SDK1: variants seen among roughly 807,000 people sequenced by gnomAD.
SDK1 encodes the protein sidekick cell adhesion molecule 1.
A neutral mutation model predicts 245.5 loss-of-function variants in SDK1; 157 were observed. The ratio of observed to expected loss-of-function variants is 0.64; its 90% CI spans 0.56 to 0.73. The LOEUF is 0.73. Among genes scored for constraint, SDK1 ranks in the 30% least tolerant of loss-of-function variants. The probability of loss-of-function intolerance (pLI) is 0.00; values close to 1 mark genes in which losing one functional copy is unlikely to be tolerated. For missense variants in SDK1, 3,583 were observed against 3,002.3 expected (o/e 1.19, Z -4.52); for synonymous variants, 1,647 against 1,278.5 (o/e 1.29, Z -6.15).
chr7:3,381,990 A>G (rs898007482), intron 1 of SDK1, among the ~76,000 whole-genome samples: 2 of 152,226 alleles, frequency 1.3e-5, no homozygotes, highest in African/African-American at 4.8e-5. Flanking sequence ...GTTCGTCTTA[A>G]AGTAATTTAT....
At chr7:3,528,555 C>G (rs1362955301) in intron 1 of SDK1, among the ~76,000 whole-genome samples, 1 of 152,086 alleles carries the variant, frequency 6.6e-6, no homozygotes, top group African/African-American at 2.4e-5. Flanking sequence ...GATTACTCTC[C>G]TTGCTGTCTG....
At position 4,049,461 on chromosome 7, in the gene SDK1, A is replaced by G. The variant is rs1427226297; in HGVS notation, c.2716A>G (p.Lys906Glu). 3 of 1,611,362 alleles carry G rather than the reference A, an allele frequency of 1.9e-6. No homozygotes were observed. The highest frequency in any genetic ancestry group is 1.7e-6 in the Non-Finnish European group (2 of 1,177,532). Residue 906 changes from lysine (K) to glutamate (E), a missense_variant and splice_region_variant, in exon 18 of 45, where the codon AAG (lysine) becomes GAG (glutamate). Lys to Glu is a moderately conservative substitution (Grantham distance 56). Coordinates refer to ENST00000404826, the MANE Select transcript of SDK1 (RefSeq NM_152744.4). ...TATCAATGGCATCAACCAGGGATACAAGGTACGTGGCCTGGGTTCAGGGCC... is the reference window on the plus strand; with the variant it reads ...TATCAATGGCATCAACCAGGGATACGAGGTACGTGGCCTGGGTTCAGGGCC... Reference protein sequence around the residue: ...QFINGINQGYKLLAWPADAPE... With the variant: ...QFINGINQGYELLAWPADAPE...
intron 4 of SDK1, among the ~76,000 whole-genome samples, chr7:3,669,589 C>T (rs1273313427): frequency 6.6e-6 from 1 of 152,106 alleles, no homozygotes; most frequent in Non-Finnish European, 1.5e-5. Flanking sequence ...GCCAACTTGC[C>T]TTCCTCCACC....
intron 4 of SDK1, among the ~76,000 whole-genome samples, chr7:3,820,942 G>C (rs112810877): frequency 6.6e-6 from 1 of 152,218 alleles, no homozygotes; most frequent in East Asian, 1.9e-4. Context: ...TAAGTTGAAG[G>C]GGGGCAGCAC....
intron 5 of SDK1, among the ~76,000 whole-genome samples, chr7:3,822,568 G>A (rs1197464144): frequency 2.6e-5 from 4 of 151,994 alleles, no homozygotes; most frequent in Middle Eastern, 3.2e-3. Context: ...TCAAGAGTTC[G>A]AGACCAGCCT....
chr7:3,624,181 C>T (rs1179698601), intron 2 of SDK1, among the ~76,000 whole-genome samples: 1 of 152,180 alleles, frequency 6.6e-6, no homozygotes, highest in African/African-American at 2.4e-5. Context: ...TAGAACTTTT[C>T]AGAAAGCTAA....
chr7:3,894,804 T>A (rs532484883), intron 5 of SDK1, among the ~76,000 whole-genome samples: 2 of 151,446 alleles, frequency 1.3e-5, no homozygotes, highest in Non-Finnish European at 2.9e-5. Context: ...GTTTAAGCGA[T>A]TTGTACTTCA....
Position 3,642,081 on chromosome 7 carries a change from A to G in SDK1, c.689A>G (p.His230Arg). ...RPQVTWFREGHKIIPSNRIAI... is the reference protein window; with the variant it reads ...RPQVTWFREGRKIIPSNRIAI... ...CAAGTGACTTGGTTTAGAGAAGGGC[A>G]CAAGATTATTCCAAGCAACAGAATG... Residue 230 changes from histidine to arginine, a missense_variant, in exon 4 of 45, where the codon CAC becomes CGC. Transcript: ENST00000404826. The G allele has an allele frequency of 1.2e-6, 2 of 1,614,196 alleles. No individual in the cohort carries two copies. Among genetic ancestry groups the G allele is most frequent in the South Asian group, 2.2e-5 (2 of 91,084 alleles).
intron 4 of SDK1, among the ~76,000 whole-genome samples, chr7:3,774,061 A>G (rs1256520275): frequency 6.6e-6 from 1 of 151,922 alleles, no homozygotes; most frequent in African/African-American, 2.4e-5. Flanking sequence ...AAAAATACAA[A>G]AAAATTAGCC....
intron 2 of SDK1, among the ~76,000 whole-genome samples, chr7:3,619,733 G>T (rs1189139333): frequency 1.3e-5 from 2 of 152,148 alleles, no homozygotes; most frequent in Admixed American, 6.5e-5. Context: ...ATATTCAGCA[G>T]CAATAAAACA....
intron 40 of SDK1, among the ~76,000 whole-genome samples, chr7:4,223,665 T>G (rs1785260137): frequency 2.0e-5 from 3 of 152,172 alleles, no homozygotes; most frequent in African/African-American, 7.2e-5. Flanking sequence ...CAGGACTTCA[T>G]CCTAACTAAT....
chr7:3,845,940 A>G lies in SDK1; in HGVS notation c.847+24357A>G, dbSNP rs79469460. 6.1e-3 allele frequency among the ~76,000 whole-genome samples: 930 copies of G among 152,330 alleles called. 11 individuals carry two copies. The highest frequency in any genetic ancestry group is 0.021 in the African/African-American group (874 of 41,558). On this transcript the variant is annotated intron_variant, in intron 5 of 44. Transcript: ENST00000404826. ...TTTGATTTGAGCTGCTCTGCTACCT[A>G]CAACTTTGCAGAAATCCCATTTAAT...
chr7:4,183,804 T>C (rs1461440556), intron 35 of SDK1, among the ~76,000 whole-genome samples: 1 of 152,200 alleles, frequency 6.6e-6, no homozygotes, highest in Non-Finnish European at 1.5e-5. Context: ...AGCCTTGCTC[T>C]AAGTTAAACT....
chr7:3,962,288 C>T (rs186816614), intron 8 of SDK1, among the ~76,000 whole-genome samples: 203 of 152,354 alleles, frequency 1.3e-3, no homozygotes, highest in African/African-American at 4.7e-3. Flanking sequence ...TGCCCAAGCC[C>T]TCCCGCGGTG....
chr7:3,791,808 C>G (rs1781100413), intron 4 of SDK1, among the ~76,000 whole-genome samples: 1 of 152,146 alleles, frequency 6.6e-6, no homozygotes, highest in African/African-American at 2.4e-5. Context: ...AACAAAGCTC[C>G]TCAGTACCTG....
chr7:3,672,663 TTA>T (rs1783741663), intron 4 of SDK1, among the ~76,000 whole-genome samples: 1 of 137,978 alleles, frequency 7.2e-6, no homozygotes, highest in Non-Finnish European at 1.5e-5. Context: ...AATATTAAAT[TTA>T]TATATAAATT....
chr7:3,530,127 A>G (rs750234620), intron 1 of SDK1, among the ~76,000 whole-genome samples: 18 of 152,188 alleles, frequency 1.2e-4, no homozygotes, highest in Non-Finnish European at 2.1e-4. Context: ...ACCAATTTAT[A>G]TCCACACTAG....
chr7:3,844,051 A>G (rs543973248), intron 5 of SDK1, among the ~76,000 whole-genome samples: 1 of 151,850 alleles, frequency 6.6e-6, no homozygotes, highest in African/African-American at 2.4e-5. Flanking sequence ...ACTCACTGCA[A>G]CCTCCACCTC....
chr7:3,951,630 A>ATACC (rs1408363862), intron 6 of SDK1, 100 bp from the exon 7 acceptor site: 2 of 997,534 alleles, frequency 2.0e-6, no homozygotes, highest in Non-Finnish European at 3.1e-6. Context: ...GCACCCTGGT[A>ATACC]GCATTAGCTT....
Sources: allele counts gnomAD v4.1 joint callset (sites outside exome capture counted in the v4.1 genomes callset), GRCh38; gene constraint gnomAD v4.1.1; transcripts MANE v1.5; gene names NCBI Gene and HGNC (gene_info 2026-07-23, HGNC 2026-07-21).